Variants in SRPK2 observed in about 807,000 individuals in gnomAD.
The protein encoded by SRPK2 is SRSF protein kinase 2.
A neutral mutation model predicts 90.8 loss-of-function variants in SRPK2; 21 were observed. That is an observed-to-expected ratio of 0.23 (90% CI 0.16 to 0.33). SRPK2 has a LOEUF of 0.33. Among genes scored for constraint, SRPK2 ranks in the 10% least tolerant of loss-of-function variants. SRPK2 has a pLI of 1.00. For synonymous variants in SRPK2, 288 were observed against 311.1 expected (o/e 0.93, Z 0.78); for missense variants, 620 against 869.0 (o/e 0.71, Z 3.60).
chr7:105,379,067 G>A (rs1429449201), intron 2 of SRPK2, among the ~76,000 whole-genome samples: 2 of 151,880 alleles, frequency 1.3e-5, no homozygotes, highest in Admixed American at 6.6e-5. Flanking sequence ...TGAGGCAGGA[G>A]GATCATTTGA....
chr7:105,383,147 C>G (rs1821153692), intron 2 of SRPK2, among the ~76,000 whole-genome samples: 1 of 136,056 alleles, frequency 7.3e-6, no homozygotes, highest in African/African-American at 2.7e-5. Context: ...TCACTGCAAG[C>G]TCCGCCTCCT....
In SRPK2 at chr7:105,373,045, C is replaced by T. The variant is rs573706998; in HGVS notation, c.71+15603G>A. ...CGGAGGTTGCAGTGAGCCAAGATAG[C>T]GCCATTGCTCTCTAGCCTCAGCGAC... On this transcript the variant is annotated intron_variant, in intron 2 of 15. Coordinates refer to ENST00000393651, the MANE Select transcript of SRPK2 (RefSeq NM_182692.3). Among the ~76,000 whole-genome samples the T allele has an allele frequency of 4.6e-5, 7 of 152,192 alleles. No homozygotes were observed. The South Asian group carries it at 1.2e-3, about 27-fold the overall frequency.
At chr7:105,380,743 T>C (rs1820847662) in intron 2 of SRPK2, among the ~76,000 whole-genome samples, 2 of 151,590 alleles carry the variant, frequency 1.3e-5, no homozygotes, top group South Asian at 4.2e-4. Context: ...AGGATGGTCT[T>C]GATCTCCTGA....
intron 2 of SRPK2, among the ~76,000 whole-genome samples, chr7:105,225,247 C>A (rs905851939): frequency 2.0e-5 from 3 of 152,172 alleles, no homozygotes; most frequent in African/African-American, 7.2e-5. Context: ...ATCTGACTTG[C>A]TTTTCTGCCT....
intron 3 of SRPK2, among the ~76,000 whole-genome samples, chr7:105,198,442 G>A (rs906053613): frequency 2.0e-5 from 3 of 152,158 alleles, no homozygotes; most frequent in African/African-American, 7.2e-5. Flanking sequence ...GTAATCCCCA[G>A]GGCTTGGAAG....
chr7:105,170,748 GAA>G (rs1254834876), intron 3 of SRPK2, among the ~76,000 whole-genome samples: 2 of 52,376 alleles, frequency 3.8e-5, no homozygotes, highest in African/African-American at 2.0e-4. Flanking sequence ...AGAAAGGGAG[GAA>G]GGAAGGAAGG....
At chr7:105,374,728 C>G (rs1563304621) in intron 2 of SRPK2, among the ~76,000 whole-genome samples, 1 of 152,152 alleles carries the variant, frequency 6.6e-6, no homozygotes, top group Admixed American at 6.6e-5. Context: ...GCCTCGCCTA[C>G]GGAGGAGCTG....
intron 2 of SRPK2, among the ~76,000 whole-genome samples, chr7:105,231,473 T>G (rs1250681850): frequency 6.6e-6 from 1 of 152,204 alleles, no homozygotes; most frequent in Non-Finnish European, 1.5e-5. Flanking sequence ...TGTTTTTAGC[T>G]CTTTGAGGGA....
chr7:105,153,137 G>C (rs982812835), intron 7 of SRPK2, among the ~76,000 whole-genome samples: 1 of 152,140 alleles, frequency 6.6e-6, no homozygotes, highest in Admixed American at 6.5e-5. Flanking sequence ...GACGAGCCAG[G>C]GACGTGACTC....
chr7:105,376,758 G>A (rs1295103296), intron 2 of SRPK2, among the ~76,000 whole-genome samples: 7 of 150,838 alleles, frequency 4.6e-5, no homozygotes, highest in African/African-American at 9.7e-5. Flanking sequence ...GGCTGGTCTC[G>A]AACTCCTGAC....
At chr7:105,167,159 AGTT>A (rs1790176712) in intron 6 of SRPK2, among the ~76,000 whole-genome samples, 1 of 152,198 alleles carries the variant, frequency 6.6e-6, no homozygotes, top group Non-Finnish European at 1.5e-5. Flanking sequence ...AATTAAGTCA[AGTT>A]GTTGTGTTAA....
At chr7:105,271,880 C>CT (rs2130559122) in intron 2 of SRPK2, among the ~76,000 whole-genome samples, 1 of 152,314 alleles carries the variant, frequency 6.6e-6, no homozygotes, top group South Asian at 2.1e-4. Flanking sequence ...GTCAACCAAT[C>CT]TTTTCCTTGT....
chr7:105,166,631 GT>G (rs1790104104), intron 6 of SRPK2, among the ~76,000 whole-genome samples: 1 of 152,092 alleles, frequency 6.6e-6, no homozygotes, highest in African/African-American at 2.4e-5. Flanking sequence ...CTCCCAATAA[GT>G]TTGTAAAGAA....
Position 105,396,819 on chromosome 7 carries a change from AAAG to A in SRPK2, n.153+2334_153+2336del, listed in dbSNP as rs1563329660. The stretch of plus-strand genomic sequence containing the variant: ...GAGAAAGAGAAAGAAAGAAAGAGAG[AAAG>A]AGAGAGAGAGAGAGAAAGAAATAGA... On this transcript the variant is annotated intron_variant and non_coding_transcript_variant, in intron 1 of 3. Coordinates refer to the SRPK2 transcript ENST00000462282. Among the ~76,000 whole-genome samples the A allele has an allele frequency of 1.3e-3, 102 of 79,690 alleles. No individual in the cohort carries two copies. The East Asian group carries it at 0.03, about 23-fold the overall frequency. The allele number at this position is 79,690 out of a possible 152,430, so 52.3% of individuals were successfully genotyped here. A position where few individuals can be genotyped will look rare whatever the true frequency, so the allele number is the denominator to read the frequency against.
chr7:105,152,275 T>C (rs570614475), intron 7 of SRPK2, among the ~76,000 whole-genome samples: 171 of 151,916 alleles, frequency 1.1e-3, no homozygotes, highest in African/African-American at 3.9e-3. Context: ...TCAGCCTCCC[T>C]AGTAGCTGGG....
chr7:105,388,245 T>C (rs1821867723), intron 2 of SRPK2, among the ~76,000 whole-genome samples: 1 of 151,558 alleles, frequency 6.6e-6, no homozygotes, highest in African/African-American at 2.4e-5. Context: ...ACGCAGCCGC[T>C]GCACTCCCGC....
chr7:105,262,843 T>G (rs1804491980), intron 2 of SRPK2, among the ~76,000 whole-genome samples: 1 of 151,766 alleles, frequency 6.6e-6, no homozygotes, highest in South Asian at 2.1e-4. Context: ...GAGGGAAAGG[T>G]AAGAGAAGGA....
intron 2 of SRPK2, among the ~76,000 whole-genome samples, chr7:105,206,791 G>C (rs1255077043): frequency 6.6e-6 from 1 of 152,176 alleles, no homozygotes; most frequent in Non-Finnish European, 1.5e-5. Flanking sequence ...TTTTCTACTT[G>C]CTCAATATTA....
At chr7:105,177,071 C>A (rs1792059554) in intron 3 of SRPK2, among the ~76,000 whole-genome samples, 2 of 151,942 alleles carry the variant, frequency 1.3e-5, no homozygotes, top group South Asian at 4.1e-4. Context: ...TGCTGCAATT[C>A]CGCTAATATT....
Sources: allele counts gnomAD v4.1 joint callset (sites outside exome capture counted in the v4.1 genomes callset), GRCh38; gene constraint gnomAD v4.1.1; transcripts MANE v1.5; gene names NCBI Gene and HGNC (gene_info 2026-07-23, HGNC 2026-07-21).